Variants in RETREG1 observed in about 807,000 individuals in gnomAD.
The protein encoded by RETREG1 is reticulophagy regulator 1.
RETREG1 carries 44 observed loss-of-function variants against 54.8 expected under a neutral mutation model. That is an observed-to-expected ratio of 0.80 (90% CI 0.63 to 1.03). The LOEUF (loss-of-function observed/expected upper bound fraction) is 1.03, where lower values mean the gene tolerates loss of function less well. Ranked by LOEUF, RETREG1 falls within the 50% of genes least tolerant of loss-of-function variation. The pLI is 0.00. For synonymous variants in RETREG1, 217 were observed against 238.5 expected (o/e 0.91, Z 0.83); for missense variants, 554 against 605.1 (o/e 0.92, Z 0.89).
At chr5:16,610,086 G>A (rs1743297043) in intron 1 of RETREG1, among the ~76,000 whole-genome samples, 1 of 152,140 alleles carries the variant, frequency 6.6e-6, no homozygotes, top group African/African-American at 2.4e-5. Context: ...CTCACTTTGA[G>A]AGCCATGGCT....
intron 3 of RETREG1, among the ~76,000 whole-genome samples, chr5:16,528,748 G>A (rs1740815686): frequency 6.6e-6 from 1 of 152,166 alleles, no homozygotes; most frequent in Non-Finnish European, 1.5e-5. Flanking sequence ...TGAACTGCTT[G>A]ACATATTAAA....
chr5:16,567,536 G>A (rs962109136), intron 2 of RETREG1, among the ~76,000 whole-genome samples: 1 of 152,190 alleles, frequency 6.6e-6, no homozygotes, highest in African/African-American at 2.4e-5. Context: ...GGACAGTGTA[G>A]ATTTCACAGG....
intron 1 of RETREG1, chr5:16,616,097 C>A (rs1256451377): frequency 6.5e-6 from 1 of 153,398 alleles, no homozygotes; most frequent in African/African-American, 2.4e-5. Context: ...TGGGCATACT[C>A]CACCTGCTTG....
intron 3 of RETREG1, among the ~76,000 whole-genome samples, chr5:16,497,065 G>A (rs1739492553): frequency 6.6e-6 from 1 of 152,178 alleles, no homozygotes; most frequent in Non-Finnish European, 1.5e-5. Context: ...CAAGCTACTA[G>A]GAACTATTAA....
At position 16,474,567 on chromosome 5, in the gene RETREG1, A is replaced by T; in HGVS notation, c.*174T>A. ...AAATAACGATCAGAAATATCAATCT[A>T]TCAGTGTCAGCTGATATATATCCAA... On this transcript the variant is annotated 3_prime_UTR_variant, in exon 9 of 9. Transcript: ENST00000306320. The T allele has an allele frequency of 1.4e-6, 1 of 708,688 alleles. No individual in the cohort carries two copies. The highest frequency in any genetic ancestry group is 2.3e-6 in the Non-Finnish European group (1 of 436,590). 43.9% of individuals were successfully genotyped at this position (708,688 alleles called of 1,614,324 possible). A position where few individuals can be genotyped will look rare whatever the true frequency, so the allele number is the denominator to read the frequency against.
intron 3 of RETREG1, among the ~76,000 whole-genome samples, chr5:16,504,124 G>A (rs755116680): frequency 8.6e-5 from 13 of 151,560 alleles, no homozygotes; most frequent in African/African-American, 2.7e-4. Flanking sequence ...CTCACTGTTC[G>A]GCTCCCACTT....
At chr5:16,482,751 T>C (rs16868682) in intron 4 of RETREG1, among the ~76,000 whole-genome samples, 4,660 of 152,212 alleles carry the variant, frequency 0.031, 245 homozygotes, top group African/African-American at 0.11. Flanking sequence ...GCTGCCTTTA[T>C]GCATAAAATA....
At chr5:16,508,844 G>A (rs1041734505) in intron 3 of RETREG1, 80 of 1,414,506 alleles carry the variant, frequency 5.7e-5, no homozygotes, top group Non-Finnish European at 7.3e-5. Context: ...TAGGAGCTGG[G>A]TTATTATCAC....
chr5:16,581,244 T>C (rs1455285836), intron 1 of RETREG1, among the ~76,000 whole-genome samples: 1 of 152,184 alleles, frequency 6.6e-6, no homozygotes, highest in Non-Finnish European at 1.5e-5. Context: ...GAGGCAGGAC[T>C]GCACGTGAGC....
chr5:16,576,300 T>C (rs111663628), intron 1 of RETREG1, among the ~76,000 whole-genome samples: 87 of 148,720 alleles, frequency 5.8e-4, no homozygotes, highest in Middle Eastern at 3.4e-3. Flanking sequence ...TTTTCTTTTT[T>C]TTTTTTTTTT....
chr5:16,477,855 C>T (rs2126511164), intron 7 of RETREG1, 67 bp from the exon 8 acceptor site: 1 of 1,578,246 alleles, frequency 6.3e-7, no homozygotes, highest in East Asian at 2.2e-5. Context: ...TTGAAAAATC[C>T]ATATGAACCC....
At chr5:16,614,625 T>G (rs1331230597) in intron 1 of RETREG1, among the ~76,000 whole-genome samples, 3 of 151,726 alleles carry the variant, frequency 2.0e-5, no homozygotes, top group Non-Finnish European at 4.4e-5. Context: ...GCCATCAAAA[T>G]TACAAGTGCA....
chr5:16,533,613 C>A (rs1740976793), intron 3 of RETREG1, among the ~76,000 whole-genome samples: 1 of 152,124 alleles, frequency 6.6e-6, no homozygotes, highest in South Asian at 2.1e-4. Flanking sequence ...TTCACACCCC[C>A]ATGGGTTCTA....
chr5:16,491,408 T>C (rs1253965369), intron 3 of RETREG1, among the ~76,000 whole-genome samples: 1 of 152,220 alleles, frequency 6.6e-6, no homozygotes, highest in African/African-American at 2.4e-5. Context: ...CTGTCTTCAG[T>C]AGCTAACAGA....
At chr5:16,599,299 C>T (rs1285393193) in intron 1 of RETREG1, among the ~76,000 whole-genome samples, 1 of 152,134 alleles carries the variant, frequency 6.6e-6, no homozygotes, top group African/African-American at 2.4e-5. Flanking sequence ...CTAGCTAGAA[C>T]CAAATATACT....
chr5:16,573,379 G>A (rs1337464705), intron 1 of RETREG1, among the ~76,000 whole-genome samples: 2 of 152,090 alleles, frequency 1.3e-5, no homozygotes, highest in African/African-American at 4.8e-5. Flanking sequence ...AAATCACAAA[G>A]AGCGTTGAGC....
At chr5:16,511,537 C>T (rs897274960) in intron 3 of RETREG1, among the ~76,000 whole-genome samples, 12 of 152,188 alleles carry the variant, frequency 7.9e-5, no homozygotes, top group Non-Finnish European at 1.2e-4. Context: ...TTTGTTTTAG[C>T]GCCCTGTCAT....
chr5:16,613,880 C>A (rs1443156833), intron 1 of RETREG1, among the ~76,000 whole-genome samples: 1 of 151,930 alleles, frequency 6.6e-6, no homozygotes. Context: ...CCTTGAAAAT[C>A]ATTTTAACCC....
chr5:16,548,960 T>C (rs1292134668), intron 3 of RETREG1, among the ~76,000 whole-genome samples: 1 of 152,174 alleles, frequency 6.6e-6, no homozygotes, highest in African/African-American at 2.4e-5. Context: ...CCATGCAAAA[T>C]CTAGGTGGTG....
Sources: gnomAD v4.1 joint callset for allele counts (sites outside exome capture counted in the v4.1 genomes callset) on GRCh38, gnomAD v4.1.1 for gene constraint, MANE v1.5 for transcripts, NCBI Gene and HGNC (gene_info 2026-07-23, HGNC 2026-07-21) for gene names.